UGT1A5: variants seen among roughly 807,000 people sequenced by gnomAD.
The protein encoded by UGT1A5 is UDP glucuronosyltransferase family 1 member A5, also known as UDP-glucuronosyltransferase 1A5.
Under a neutral mutation model 40.3 loss-of-function variants are expected in UGT1A5, and 29 were observed. That is an observed-to-expected ratio of 0.72 (90% confidence interval 0.54 to 0.98). UGT1A5 has a LOEUF of 0.98. UGT1A5 is among the 50% of genes least tolerant of loss of function. The pLI, the probability that UGT1A5 is intolerant of heterozygous loss-of-function variation, is 0.00. For synonymous variants in UGT1A5, 257 were observed against 262.5 expected (o/e 0.98, Z 0.20); for missense variants, 678 against 677.9 (o/e 1.00, Z 0.00).
In UGT1A5 at chr2:233,733,917, G is replaced by T. The variant is rs753783737; in HGVS notation, c.867+20059G>T. On this transcript the variant is annotated intron_variant, in intron 1 of 4. Coordinates refer to ENST00000373414, the MANE Select transcript of UGT1A5 (RefSeq NM_019078.2). ...GTTTGTACCTCTCTGGTAGAATTCG[G>T]CTGTGAGGAAGGGGAACATCACATA... Among the ~76,000 whole-genome samples the T allele has an allele frequency of 9.2e-5, 14 of 152,092 alleles. No homozygotes were observed. The East Asian group carries it at 9.7e-4, about 11-fold the overall frequency.
intron 4 of UGT1A5, 140 bp downstream of exon 4, chr2:233,768,579 CTTCTTTT>C: frequency 1.1e-6 from 1 of 934,852 alleles, no homozygotes; most frequent in Non-Finnish European, 1.4e-6. Context: ...ATTTTTATTT[CTTCTTTT>C]TTTTTTTTTT....
rs2077433464 is a variant in UGT1A5, at chr2:233,725,312, A to AGAGGCAGAGGCG, written c.867+11459_867+11460insAGAGGCGGAGGC. ...CAGAGGCAGAGGCAGAGGCAGAGGCAGAGGCGCCTGGTCAACAATCTTAAG... is the reference window on the plus strand; with the variant it reads ...CAGAGGCAGAGGCAGAGGCAGAGGCAGAGGCAGAGGCGGAGGCGCCTGGTCAACAATCTTAAG... On this transcript the variant is annotated intron_variant, in intron 1 of 4. Transcript: ENST00000373414. 1.8e-5 allele frequency among the ~76,000 whole-genome samples: 2 copies of AGAGGCAGAGGCG among 110,292 alleles called. 1 individual carries two copies. Among genetic ancestry groups the AGAGGCAGAGGCG allele is most frequent in the Non-Finnish European group, 3.5e-5 (2 of 56,414 alleles). 72.4% of individuals were successfully genotyped at this position (110,292 alleles called of 152,430 possible).
intron 1 of UGT1A5, chr2:233,753,738 G>A (rs1695291371): frequency 6.6e-6 from 1 of 152,194 alleles, no homozygotes. Flanking sequence ...CCCAAGCACA[G>A]CAATAGGACA....
At chr2:233,732,813 A>G (rs1272687468) in intron 1 of UGT1A5, among the ~76,000 whole-genome samples, 1 of 131,564 alleles carries the variant, frequency 7.6e-6, no homozygotes, top group Non-Finnish European at 1.6e-5. Flanking sequence ...TTTTGATTCC[A>G]TATGAACTTT....
At position 233,712,916 on chromosome 2, in the gene UGT1A5, G is replaced by C; in HGVS notation, c.-76G>C. 2 of 1,611,516 alleles carry C rather than the reference G, an allele frequency of 1.2e-6. No individual in the cohort carries two copies. The highest frequency in any genetic ancestry group is 2.2e-5 in the South Asian group (2 of 90,756). ...ATTTGCTAGGTGTCTCAGTGACAAG[G>C]TAATTAAGACGAAGGAAACAATTCT... is the stretch of plus-strand genomic sequence containing the variant. On this transcript the variant is annotated 5_prime_UTR_variant, in exon 1 of 5. Coordinates refer to ENST00000373414, the MANE Select transcript of UGT1A5 (RefSeq NM_019078.2).
chr2:233,733,606 A>G (rs921303944), intron 1 of UGT1A5, among the ~76,000 whole-genome samples: 5 of 152,192 alleles, frequency 3.3e-5, no homozygotes, highest in African/African-American at 1.2e-4. Context: ...GATGGATTAC[A>G]TTTATTGATT....
intron 4 of UGT1A5, among the ~76,000 whole-genome samples, chr2:233,768,799 G>A (rs1295681406): frequency 1.3e-5 from 2 of 151,984 alleles, no homozygotes; most frequent in East Asian, 3.9e-4. Flanking sequence ...TGTCAGGCTG[G>A]TCTTGAACTC....
At chr2:233,715,670 G>T (rs1428393419) in intron 1 of UGT1A5, among the ~76,000 whole-genome samples, 3 of 152,106 alleles carry the variant, frequency 2.0e-5, no homozygotes, top group Non-Finnish European at 4.4e-5. Context: ...TACTCGGGAG[G>T]CTGAGGCAGG....
chr2:233,728,580 C>A (rs28898616), intron 1 of UGT1A5, among the ~76,000 whole-genome samples: 1 of 152,188 alleles, frequency 6.6e-6, no homozygotes, highest in African/African-American at 2.4e-5. Flanking sequence ...GTGCGAAAAA[C>A]GACCAAAACC....
chr2:233,713,899 A>G, intron 1 of UGT1A5, 41 bp downstream of exon 1: 3 of 1,613,038 alleles, frequency 1.9e-6, no homozygotes, highest in Non-Finnish European at 2.5e-6. Flanking sequence ...TTCCAGGCAA[A>G]ACACTTTTTA....
At chr2:233,738,225 T>C (rs1690730877) in intron 1 of UGT1A5, among the ~76,000 whole-genome samples, 1 of 152,022 alleles carries the variant, frequency 6.6e-6, no homozygotes, top group South Asian at 2.1e-4. Context: ...ATAAGTTTCC[T>C]GAGGCCCCTC....
intron 1 of UGT1A5, among the ~76,000 whole-genome samples, chr2:233,715,240 A>T (rs2076440317): frequency 6.6e-6 from 1 of 152,092 alleles, no homozygotes; most frequent in African/African-American, 2.4e-5. Flanking sequence ...TCTGTGAAGG[A>T]TGTCTTTTAA....
Position 233,769,477 on chromosome 2 carries a change from G to T in UGT1A5, c.1307+1038G>T. The T allele has an allele frequency of 6.2e-7, 1 of 1,611,324 alleles. No individual in the cohort carries two copies. The highest frequency in any genetic ancestry group is 8.5e-7 in the Non-Finnish European group (1 of 1,178,664). On this transcript the variant is annotated intron_variant, in intron 4 of 4. Coordinates refer to ENST00000373414, the MANE Select transcript of UGT1A5 (RefSeq NM_019078.2). This position sits in a 1 kb window ranked among gnomAD's most constrained non-coding sequence, Gnocchi z 4.4. Reference sequence around the variant, plus strand: ...TGCATTCATATGCGTGTGTGTGTGTGTGCGTGTGTTTATGAGAGTGTCCAT... The same window carrying T: ...TGCATTCATATGCGTGTGTGTGTGTTTGCGTGTGTTTATGAGAGTGTCCAT...
At chr2:233,718,697 C>T (rs2125661774) in intron 1 of UGT1A5, 1 of 1,595,942 alleles carries the variant, frequency 6.3e-7, no homozygotes, top group Non-Finnish European at 8.5e-7. Flanking sequence ...GAGGAGGGCA[C>T]TTTGTCTTCC....
intron 1 of UGT1A5, chr2:233,760,452 T>A (rs1697451536): frequency 6.2e-7 from 1 of 1,614,194 alleles, no homozygotes; most frequent in Non-Finnish European, 8.5e-7. Flanking sequence ...AGAGGGGACA[T>A]GAAATAGTTG....
chr2:233,726,805 G>A (rs2077562832), intron 1 of UGT1A5, among the ~76,000 whole-genome samples: 1 of 152,144 alleles, frequency 6.6e-6, no homozygotes, highest in African/African-American at 2.4e-5. Flanking sequence ...AAGGCTTGGA[G>A]GTTTTCCTCT....
At chr2:233,771,873 A>C (rs912640618) in intron 4 of UGT1A5, among the ~76,000 whole-genome samples, 1 of 150,972 alleles carries the variant, frequency 6.6e-6, no homozygotes, top group African/African-American at 2.4e-5. Context: ...ACATTTATTA[A>C]GAATAAGTTT....
rs932840161 is a variant in UGT1A5, at chr2:233,740,624, G to A, written c.868-26410G>A. ...TCTCCAGGTCTCTTGGGGCTCACAG[G>A]GTCATGCCTTTCCTTGCCCAGTGTA... On this transcript the variant is annotated intron_variant, in intron 1 of 4. Coordinates refer to ENST00000373414, the MANE Select transcript of UGT1A5 (RefSeq NM_019078.2). 1.3e-5 allele frequency: 2 copies of A among 151,796 alleles called. 1 individual carries two copies. Among genetic ancestry groups the A allele is most frequent in the African/African-American group, 4.9e-5 (2 of 41,062 alleles). 9.4% of individuals were successfully genotyped at this position (151,796 alleles called of 1,614,324 possible).
intron 1 of UGT1A5, chr2:233,753,285 G>A (rs1446489164): frequency 6.6e-6 from 1 of 152,238 alleles, no homozygotes; most frequent in Admixed American, 6.5e-5. Context: ...TGATTTCAGA[G>A]TTCAGTGTGA....
Sources: gnomAD v4.1 joint callset for allele counts (sites outside exome capture counted in the v4.1 genomes callset) on GRCh38, gnomAD v4.1.1 for gene constraint, Gnocchi (gnomAD v3.1) non-coding constraint, MANE v1.5 for transcripts, NCBI Gene and HGNC (gene_info 2026-07-23, HGNC 2026-07-21) for gene names.